Variants in CDYL2 observed in about 807,000 individuals in gnomAD.
CDYL2 encodes the protein chromodomain Y-like protein 2.
Under a neutral mutation model 49.4 loss-of-function variants are expected in CDYL2, and 23 were observed. The observed-to-expected ratio is 0.47, with a 90% CI of 0.34 to 0.66. The LOEUF is 0.66. CDYL2 is among the 30% of genes least tolerant of loss of function. CDYL2 has a pLI of 0.01. For missense variants in CDYL2, 678 were observed against 656.4 expected (o/e 1.03, Z -0.36); for synonymous variants, 360 against 268.8 (o/e 1.34, Z -3.32).
Position 80,769,962 on chromosome 16 carries a change from T to C in CDYL2, c.24+34188A>G, listed in dbSNP as rs190129300. On this transcript the variant is annotated intron_variant, in intron 1 of 6. Transcript: ENST00000570137. Reference sequence around the variant, plus strand: ...CTACACAACTTTAAAATGAAATGGATTTTTCTGCTCATTTATATTAGAAAG... The same window carrying C: ...CTACACAACTTTAAAATGAAATGGACTTTTCTGCTCATTTATATTAGAAAG... Among the ~76,000 whole-genome samples the C allele has an allele frequency of 3.1e-3, 466 of 152,264 alleles. 3 individuals carry two copies. Among genetic ancestry groups the C allele is most frequent in the African/African-American group, 0.011 (453 of 41,532 alleles).
chr16:80,645,237 T>A (rs1908283659), intron 2 of CDYL2, among the ~76,000 whole-genome samples: 1 of 152,060 alleles, frequency 6.6e-6, no homozygotes, highest in African/African-American at 2.4e-5. Flanking sequence ...TGCAATCTAC[T>A]CATCTGACAA....
At chr16:80,774,721 T>C (rs946783392) in intron 1 of CDYL2, among the ~76,000 whole-genome samples, 1 of 152,078 alleles carries the variant, frequency 6.6e-6, no homozygotes, top group Non-Finnish European at 1.5e-5. Flanking sequence ...GAGGATATTA[T>C]TTGGGGCAAA....
chr16:80,755,255 G>A (rs1168926153), intron 1 of CDYL2, among the ~76,000 whole-genome samples: 1 of 152,294 alleles, frequency 6.6e-6, no homozygotes, highest in East Asian at 1.9e-4. Context: ...GGAGAATGGA[G>A]GAAACCTGAA....
intron 1 of CDYL2, among the ~76,000 whole-genome samples, chr16:80,763,035 G>A (rs1388690385): frequency 6.6e-6 from 1 of 152,072 alleles, no homozygotes; most frequent in Non-Finnish European, 1.5e-5. Flanking sequence ...GTGACCAGAG[G>A]CTTACAACTG....
intron 1 of CDYL2, among the ~76,000 whole-genome samples, chr16:80,710,113 A>G: frequency 6.6e-6 from 1 of 152,112 alleles, no homozygotes; most frequent in Non-Finnish European, 1.5e-5. Flanking sequence ...TTTTTAGTAC[A>G]GACGGGGATT....
In CDYL2 at chr16:80,709,435, G is replaced by C. The variant is rs144653671; in HGVS notation, c.25-24306C>G. Among the ~76,000 whole-genome samples the C allele has an allele frequency of 8.0e-5, 12 of 150,670 alleles. No individual in the cohort carries two copies. The East Asian group carries it at 1.9e-3, about 24-fold the overall frequency. ...TTGTTCCAACACAATTTATATATCA[G>C]GGAATAATTTGAGCATAACGCAAAT... is the stretch of plus-strand genomic sequence containing the variant. On this transcript the variant is annotated intron_variant, in intron 1 of 6. Transcript: ENST00000570137.
chr16:80,605,859 T>G (rs1597118064), intron 6 of CDYL2, among the ~76,000 whole-genome samples: 1 of 152,212 alleles, frequency 6.6e-6, no homozygotes, highest in Non-Finnish European at 1.5e-5. Flanking sequence ...AAGTAAGTAG[T>G]CTTTTGATCC....
At chr16:80,690,144 A>T (rs1040673390) in intron 1 of CDYL2, among the ~76,000 whole-genome samples, 4 of 150,916 alleles carry the variant, frequency 2.7e-5, no homozygotes, top group South Asian at 2.1e-4. Flanking sequence ...AAATAAAAAA[A>T]TAAATAGAAA....
intron 1 of CDYL2, among the ~76,000 whole-genome samples, chr16:80,690,746 A>G (rs1910383891): frequency 6.6e-6 from 1 of 152,058 alleles, no homozygotes; most frequent in Admixed American, 6.5e-5. Context: ...GCATCTTTCC[A>G]TCACTTCGGA....
intron 2 of CDYL2, among the ~76,000 whole-genome samples, chr16:80,676,961 GTATTTTTTTTT>G (rs1269552302): frequency 9.0e-6 from 1 of 110,518 alleles, no homozygotes; most frequent in Non-Finnish European, 1.9e-5. Flanking sequence ...CCAATTCAAT[GTATTTTTTTTT>G]TTTTTTTTTT....
At chr16:80,608,952 T>C (rs1362413701) in intron 5 of CDYL2, among the ~76,000 whole-genome samples, 1 of 152,128 alleles carries the variant, frequency 6.6e-6, no homozygotes, top group Non-Finnish European at 1.5e-5. Context: ...AGCACTTCCA[T>C]CACTGGCAGC....
chr16:80,623,541 G>A (rs904463590), intron 3 of CDYL2, among the ~76,000 whole-genome samples: 1 of 152,202 alleles, frequency 6.6e-6, no homozygotes, highest in Admixed American at 6.5e-5. Flanking sequence ...GCCTAGAAAT[G>A]CAGAGTCTTG....
chr16:80,686,236 G>A lies in CDYL2; in HGVS notation c.25-1107C>T, dbSNP rs181120499. On this transcript the variant is annotated intron_variant, in intron 1 of 6. Transcript: ENST00000570137. The stretch of plus-strand genomic sequence containing the variant: ...CCGTGGAAAAATACACTCGGAAAAT[G>A]CCAGTCTCGATGCTAATAACTGTTG... Among the ~76,000 whole-genome samples the A allele has an allele frequency of 1.5e-4, 23 of 152,282 alleles. No homozygotes were observed. In the East Asian group the frequency reaches 4.4e-3, roughly 29 times the overall value.
At chr16:80,715,144 G>A (rs1331829055) in intron 1 of CDYL2, among the ~76,000 whole-genome samples, 2 of 152,068 alleles carry the variant, frequency 1.3e-5, no homozygotes, top group Non-Finnish European at 2.9e-5. Flanking sequence ...GCAGAACTTC[G>A]ACCCAAGCCA....
At chr16:80,714,471 C>A (rs1025327407) in intron 1 of CDYL2, among the ~76,000 whole-genome samples, 46 of 152,166 alleles carry the variant, frequency 3.0e-4, no homozygotes, top group African/African-American at 1.1e-3. Flanking sequence ...TATATGTCAA[C>A]TAAAAATAAA....
intron 2 of CDYL2, among the ~76,000 whole-genome samples, chr16:80,641,487 C>T (rs1908083239): frequency 6.6e-6 from 1 of 151,766 alleles, no homozygotes. Context: ...ACAAGAAATG[C>T]CTAAAGGAAG....
Position 80,684,925 on chromosome 16 carries a change from G to C in CDYL2, c.229C>G (p.Leu77Val), listed in dbSNP as rs765006005. 6.2e-7 allele frequency: 1 copy of C among 1,614,220 alleles called. No individual in the cohort carries two copies. Among genetic ancestry groups the C allele is most frequent in the Non-Finnish European group, 8.5e-7 (1 of 1,180,044 alleles). Residue 77 changes from leucine (L) to valine (V), a missense_variant, in exon 2 of 7, where the codon CTG (leucine) becomes GTG (valine). Leu to Val is a conservative substitution (Grantham distance 32). Coordinates refer to ENST00000570137, the MANE Select transcript of CDYL2 (RefSeq NM_152342.4). ...GACGGGCCTCGACTGTCACGCAGCA[G>C]CTTGGAGGTACTGGACTGCTTCCCT... ...KSGKQSSTSK[L>V]LRDSRGPSVE...
intron 1 of CDYL2, among the ~76,000 whole-genome samples, chr16:80,717,930 C>T (rs1177700241): frequency 6.6e-6 from 1 of 152,202 alleles, no homozygotes; most frequent in Non-Finnish European, 1.5e-5. Flanking sequence ...ATGTCTGTTT[C>T]TAATAAGTTT....
intron 3 of CDYL2, among the ~76,000 whole-genome samples, chr16:80,624,493 A>G (rs1907219820): frequency 6.6e-6 from 1 of 152,200 alleles, no homozygotes; most frequent in African/African-American, 2.4e-5. Flanking sequence ...AAATGAATGT[A>G]AAAGTACTCT....
Sources: allele counts gnomAD v4.1 joint callset (sites outside exome capture counted in the v4.1 genomes callset), GRCh38; gene constraint gnomAD v4.1.1; transcripts MANE v1.5; gene names NCBI Gene and HGNC (gene_info 2026-07-23, HGNC 2026-07-21).